WHRN: variants seen among roughly 807,000 people sequenced by gnomAD.
WHRN encodes whirlin.
Under a neutral mutation model 68.3 loss-of-function variants are expected in WHRN, and 41 were observed. That is an observed-to-expected ratio of 0.60 (90% CI 0.47 to 0.78). WHRN has a LOEUF of 0.78. Ranked by LOEUF, WHRN falls within the 30% of genes least tolerant of loss-of-function variation. The pLI, the probability that WHRN is intolerant of heterozygous loss-of-function variation, is 0.00. For missense variants in WHRN, 1,243 were observed against 1,244.7 expected, an observed-to-expected ratio of 1.00 and a Z score of 0.02; for synonymous variants, 560 against 561.3, an observed-to-expected ratio of 1.00 and a Z score of 0.03.
chr9:114,486,157 C>G (rs1842458385), intron 1 of WHRN, among the ~76,000 whole-genome samples: 1 of 152,146 alleles, frequency 6.6e-6, no homozygotes, highest in South Asian at 2.1e-4. Context: ...AACAGAGGTC[C>G]CAGAAATTCT....
At chr9:114,440,403 AT>A (rs778192383) in intron 3 of WHRN, among the ~76,000 whole-genome samples, 1 of 150,952 alleles carries the variant, frequency 6.6e-6, no homozygotes, top group Non-Finnish European at 1.5e-5. Flanking sequence ...CACCCAGCTA[AT>A]TTTTTTGTAT....
chr9:114,454,048 G>A (rs1839564748), intron 3 of WHRN, among the ~76,000 whole-genome samples: 1 of 152,144 alleles, frequency 6.6e-6, no homozygotes, highest in Non-Finnish European at 1.5e-5. Flanking sequence ...AAAGAGAAAA[G>A]CCATATGATC....
At chr9:114,409,344 AAC>A (rs1835265014) in intron 7 of WHRN, among the ~76,000 whole-genome samples, 1 of 152,202 alleles carries the variant, frequency 6.6e-6, no homozygotes, top group Admixed American at 6.5e-5. Flanking sequence ...CCAATGGGCA[AAC>A]ACAGGCATAT....
chr9:114,451,567 C>A (rs199537845), intron 3 of WHRN, among the ~76,000 whole-genome samples: 1 of 152,082 alleles, frequency 6.6e-6, no homozygotes, highest in Admixed American at 6.5e-5. Flanking sequence ...ACGCACACAC[C>A]ACACACACAG....
At chr9:114,442,478 C>T (rs1327115142) in intron 3 of WHRN, among the ~76,000 whole-genome samples, 1 of 152,140 alleles carries the variant, frequency 6.6e-6, no homozygotes, top group Non-Finnish European at 1.5e-5. Context: ...TGTGGCGAAA[C>T]ATGAAAAACT....
At chr9:114,427,674 C>A (rs1482938186) in intron 3 of WHRN, among the ~76,000 whole-genome samples, 2 of 152,158 alleles carry the variant, frequency 1.3e-5, no homozygotes, top group Admixed American at 1.3e-4. Flanking sequence ...AAACCCTGCT[C>A]CCCAGTTCCC....
chr9:114,457,700 G>C (rs1315986129), intron 3 of WHRN, among the ~76,000 whole-genome samples: 2 of 152,148 alleles, frequency 1.3e-5, no homozygotes, highest in Non-Finnish European at 2.9e-5. Context: ...TGGATCACTT[G>C]AGGTTAGGAG....
chr9:114,498,520 C>G (rs1312633291), intron 1 of WHRN, among the ~76,000 whole-genome samples: 1 of 152,168 alleles, frequency 6.6e-6, no homozygotes, highest in African/African-American at 2.4e-5. Flanking sequence ...GTGGTAAGCA[C>G]TGCTCAGAGA....
chr9:114,453,320 G>A (rs1257797719), intron 3 of WHRN, among the ~76,000 whole-genome samples: 6 of 152,060 alleles, frequency 3.9e-5, no homozygotes, highest in Admixed American at 3.9e-4. Flanking sequence ...ATTACCTCTG[G>A]GAGGGCACCA....
At chr9:114,491,135 ATC>A (rs1437853411) in intron 1 of WHRN, among the ~76,000 whole-genome samples, 2 of 152,174 alleles carry the variant, frequency 1.3e-5, no homozygotes, top group African/African-American at 4.8e-5. Flanking sequence ...CATCAGGAAT[ATC>A]TGTTTATATC....
chr9:114,486,453 T>C (rs1842480632), intron 1 of WHRN, among the ~76,000 whole-genome samples: 1 of 152,228 alleles, frequency 6.6e-6, no homozygotes, highest in Non-Finnish European at 1.5e-5. Flanking sequence ...CATTACATGT[T>C]CTGTTTCCTT....
At chr9:114,417,480 G>A (rs532002367) in intron 7 of WHRN, among the ~76,000 whole-genome samples, 1 of 152,340 alleles carries the variant, frequency 6.6e-6, no homozygotes, top group East Asian at 1.9e-4. Flanking sequence ...TTTCCTTCCA[G>A]TTTCTGTTCC....
intron 3 of WHRN, among the ~76,000 whole-genome samples, chr9:114,446,186 A>T (rs1232569470): frequency 6.6e-6 from 1 of 152,236 alleles, no homozygotes; most frequent in Non-Finnish European, 1.5e-5. Flanking sequence ...TATTGTCATA[A>T]GAAGGAATTT....
At chr9:114,450,075 C>G (rs1443198264) in intron 3 of WHRN, among the ~76,000 whole-genome samples, 7 of 152,080 alleles carry the variant, frequency 4.6e-5, no homozygotes, top group African/African-American at 1.7e-4. Context: ...GAGGTGGCTA[C>G]TGCACCTCAG....
chr9:114,473,796 T>C (rs1029189697), intron 2 of WHRN, among the ~76,000 whole-genome samples: 18 of 152,152 alleles, frequency 1.2e-4, no homozygotes, highest in Admixed American at 3.3e-4. Context: ...TGAGTTTCTG[T>C]TGGATGCTCT....
chr9:114,415,005 G>A (rs1835709356), intron 7 of WHRN, among the ~76,000 whole-genome samples: 1 of 152,146 alleles, frequency 6.6e-6, no homozygotes, highest in Non-Finnish European at 1.5e-5. Context: ...CTTAAAAAAT[G>A]TAAACAGAGG....
chr9:114,402,601 G>C lies in WHRN; in HGVS notation c.*153C>G, dbSNP rs1417145244. The stretch of plus-strand genomic sequence containing the variant: ...CTTGTCCTGCTCTCTTCCTCTCCCA[G>C]TTCTGGTCCAGTGGGCTGGGATGGA... On this transcript the variant is annotated 3_prime_UTR_variant, in exon 12 of 12. Coordinates refer to ENST00000362057, the MANE Select transcript of WHRN (RefSeq NM_015404.4). 2.1e-6 allele frequency: 2 copies of C among 962,418 alleles called. No homozygotes were observed. Among genetic ancestry groups the C allele is most frequent in the Admixed American group, 1.8e-5 (1 of 55,224 alleles). 59.6% of individuals were successfully genotyped at this position (962,418 alleles called of 1,614,324 possible). A position where few individuals can be genotyped will look rare whatever the true frequency, so the allele number is the denominator to read the frequency against.
At position 114,406,667 on chromosome 9, in the gene WHRN, C is replaced by T. The variant is rs1303296319; in HGVS notation, c.1924G>A (p.Ala642Thr). The T allele has an allele frequency of 6.2e-7, 1 of 1,613,868 alleles. No individual in the cohort carries two copies. The highest frequency in any genetic ancestry group is 1.7e-5 in the Admixed American group (1 of 60,026). Residue 642 changes from alanine (A) to threonine (T), a missense_variant, in exon 9 of 12, where the codon GCA becomes ACA. By Grantham distance (58) the Ala-to-Thr change is moderately conservative (BLOSUM62 0). Transcript: ENST00000362057. ...ATGGGGGAAGAGGGCAAGTCCTGTG[C>T]AGAGGAGGTCCCTGGGGTGGGTGCG... The part of the protein sequence containing the change: ...GTAPTPGTSS[A>T]QDLPSSPIYA...
chr9:114,414,976 C>T (rs1835707314), intron 7 of WHRN, among the ~76,000 whole-genome samples: 1 of 152,142 alleles, frequency 6.6e-6, no homozygotes, highest in Non-Finnish European at 1.5e-5. Flanking sequence ...TCTGGGCTCT[C>T]TCCACACAGA....
Sources: allele counts gnomAD v4.1 joint callset (sites outside exome capture counted in the v4.1 genomes callset), GRCh38; gene constraint gnomAD v4.1.1; transcripts MANE v1.5; gene names NCBI Gene and HGNC (gene_info 2026-07-23, HGNC 2026-07-21).